GNAQ: variants seen among roughly 807,000 people sequenced by gnomAD.
GNAQ encodes the protein G protein subunit alpha q, also known as guanine nucleotide-binding protein G(q) subunit alpha.
A neutral mutation model predicts 43.9 loss-of-function variants in GNAQ; 8 were observed. That is an observed-to-expected ratio of 0.18 (90% CI 0.11 to 0.33). The LOEUF (loss-of-function observed/expected upper bound fraction) is 0.33. GNAQ is among the 10% of genes least tolerant of loss of function. GNAQ has a pLI of 1.00. For synonymous variants in GNAQ, 155 were observed against 170.7 expected, an observed-to-expected ratio of 0.91 and a Z score of 0.71; for missense variants, 158 against 450.8, an observed-to-expected ratio of 0.35 and a Z score of 5.88.
intron 5 of GNAQ, among the ~76,000 whole-genome samples, chr9:77,774,233 T>G (rs372044257): frequency 1.3e-4 from 20 of 152,352 alleles, no homozygotes; most frequent in East Asian, 9.6e-4. Flanking sequence ...ATCTCCTTTA[T>G]TTCAATGAAC....
chr9:77,754,913 A>C (rs1825876151), intron 5 of GNAQ, among the ~76,000 whole-genome samples: 1 of 152,244 alleles, frequency 6.6e-6, no homozygotes, highest in Non-Finnish European at 1.5e-5. Flanking sequence ...CAGTGTATCA[A>C]AAAGATATCT....
chr9:77,794,625 T>C lies in GNAQ; in HGVS notation c.606-33A>G, dbSNP rs777924414. ...GTTAACAATACTCATATTAATAACA[T>C]ATAAAGTAAAACTAAAAAGTCAACA... is the stretch of plus-strand genomic sequence containing the variant. On this transcript the variant is annotated intron_variant, in intron 4 of 6. Coordinates refer to ENST00000286548, the MANE Select transcript of GNAQ (RefSeq NM_002072.5). 7 of 1,445,012 alleles carry C rather than the reference T, an allele frequency of 4.8e-6. No individual in the cohort carries two copies. In the South Asian group the frequency reaches 8.9e-5, roughly 18 times the overall value. The allele number at this position is 1,445,012 out of a possible 1,614,324, so 89.5% of individuals were successfully genotyped here.
At position 77,721,160 on chromosome 9, in the gene GNAQ, A is replaced by C; in HGVS notation, c.*163T>G. The C allele has an allele frequency of 1.9e-6, 1 of 533,350 alleles. No homozygotes were observed. The allele number at this position is 533,350 out of a possible 1,614,324, so 33.0% of individuals were successfully genotyped here. A position where few individuals can be genotyped will look rare whatever the true frequency, so the allele number is the denominator to read the frequency against. On this transcript the variant is annotated 3_prime_UTR_variant, in exon 7 of 7. Transcript: ENST00000286548. ...TGTTTTTCCTCTGAATAGTTTAAATAAAATCATAATATTTACTACAAACTC... is the reference window on the plus strand; with the variant it reads ...TGTTTTTCCTCTGAATAGTTTAAATCAAATCATAATATTTACTACAAACTC...
intron 5 of GNAQ, among the ~76,000 whole-genome samples, chr9:77,737,445 A>T (rs566293997): frequency 6.6e-6 from 1 of 152,338 alleles, no homozygotes; most frequent in Admixed American, 6.5e-5. Context: ...TCTCATGATG[A>T]TCAATGCTTC....
intron 2 of GNAQ, among the ~76,000 whole-genome samples, chr9:77,888,024 CACACTA>C (rs1277068194): frequency 6.6e-6 from 1 of 152,212 alleles, no homozygotes; most frequent in Non-Finnish European, 1.5e-5. Flanking sequence ...TAATTACTTT[CACACTA>C]ACACTAAGAC....
rs1390190046 is a variant in GNAQ at position 77,905,553 on chromosome 9, T to C, written c.321+16608A>G. Among the ~76,000 whole-genome samples the C allele has an allele frequency of 2.6e-5, 4 of 152,208 alleles. No individual in the cohort carries two copies. In the South Asian group the frequency reaches 6.2e-4, roughly 24 times the overall value. On this transcript the variant is annotated intron_variant, in intron 2 of 6. Transcript: ENST00000286548. ...AGCATGCAGTGGGGCTGTAATATTTTACACTGTCAGAAAACTGCATGAGAT... is the reference window on the plus strand; with the variant it reads ...AGCATGCAGTGGGGCTGTAATATTTCACACTGTCAGAAAACTGCATGAGAT...
chr9:77,999,292 C>A (rs958941885), intron 1 of GNAQ, among the ~76,000 whole-genome samples: 2 of 152,124 alleles, frequency 1.3e-5, no homozygotes, highest in African/African-American at 4.8e-5. Flanking sequence ...TTACTCCATC[C>A]GGGAAGTTAT....
rs558419670 is a variant in GNAQ at position 77,807,010 on chromosome 9, T to G, written c.476+8606A>C. Among the ~76,000 whole-genome samples the G allele has an allele frequency of 3.9e-5, 6 of 152,340 alleles. No individual in the cohort carries two copies. The South Asian group carries it at 1.0e-3, about 26-fold the overall frequency. On this transcript the variant is annotated intron_variant, in intron 3 of 6. Transcript: ENST00000286548. ...GTCATGTCAGTTATGTCACCTTAAT[T>G]TGGATATTGCTTCTGTGAGATTAGA...
chr9:77,753,789 T>A (rs770714616), intron 5 of GNAQ, among the ~76,000 whole-genome samples: 1 of 152,156 alleles, frequency 6.6e-6, no homozygotes, highest in African/African-American at 2.4e-5. Flanking sequence ...ACAATATGAA[T>A]AACAGAAAAG....
At chr9:77,797,482 A>C in intron 4 of GNAQ, 38 bp downstream of exon 4, 1 of 1,558,908 alleles carries the variant, frequency 6.4e-7, no homozygotes, top group Non-Finnish European at 8.8e-7. Context: ...CTCAAGGCAT[A>C]AAAGCTGGGA....
chr9:77,888,506 A>T (rs768383629), intron 2 of GNAQ, among the ~76,000 whole-genome samples: 1 of 152,218 alleles, frequency 6.6e-6, no homozygotes, highest in Non-Finnish European at 1.5e-5. Context: ...GTGGCTTGCT[A>T]TAAGAGTGAA....
intron 3 of GNAQ, among the ~76,000 whole-genome samples, chr9:77,814,746 T>C (rs1190895960): frequency 6.6e-6 from 1 of 152,156 alleles, no homozygotes; most frequent in Non-Finnish European, 1.5e-5. Context: ...TGAACTGGCA[T>C]AAGGTTACTG....
intron 2 of GNAQ, among the ~76,000 whole-genome samples, chr9:77,844,798 G>A (rs770302071): frequency 1.1e-4 from 16 of 151,926 alleles, no homozygotes; most frequent in South Asian, 2.1e-4. Context: ...TCAGCCTCCC[G>A]AGTAGCTGGG....
At chr9:77,886,042 T>C (rs957458279) in intron 2 of GNAQ, among the ~76,000 whole-genome samples, 1 of 152,174 alleles carries the variant, frequency 6.6e-6, no homozygotes, top group Admixed American at 6.5e-5. Flanking sequence ...AGTGGCACGA[T>C]CTCGGTTCAC....
chr9:77,813,786 A>G (rs1343381742), intron 3 of GNAQ, among the ~76,000 whole-genome samples: 1 of 152,328 alleles, frequency 6.6e-6, no homozygotes, highest in East Asian at 1.9e-4. Flanking sequence ...GTTGACAGGT[A>G]AAGAGTAGAC....
chr9:77,740,368 C>G (rs1416530622), intron 5 of GNAQ, among the ~76,000 whole-genome samples: 1 of 152,032 alleles, frequency 6.6e-6, no homozygotes, highest in Admixed American at 6.6e-5. Context: ...CTTTGTCTAC[C>G]CACCAAAGAC....
intron 2 of GNAQ, among the ~76,000 whole-genome samples, chr9:77,841,299 A>G (rs1422251204): frequency 1.3e-5 from 2 of 152,206 alleles, no homozygotes; most frequent in African/African-American, 4.8e-5. Flanking sequence ...TAGACATTGG[A>G]AGCATTTAAA....
At chr9:77,761,309 T>C in intron 5 of GNAQ, among the ~76,000 whole-genome samples, 1 of 113,586 alleles carries the variant, frequency 8.8e-6, no homozygotes. Flanking sequence ...AGCCGCCCCA[T>C]CCGGGAGGGA....
At chr9:77,829,636 G>C (rs547938864) in intron 2 of GNAQ, among the ~76,000 whole-genome samples, 2 of 152,292 alleles carry the variant, frequency 1.3e-5, no homozygotes, top group South Asian at 4.1e-4. Flanking sequence ...CCAAGAGAAT[G>C]AATCAGAGAA....
Sources: gnomAD v4.1 joint callset for allele counts (sites outside exome capture counted in the v4.1 genomes callset) on GRCh38, gnomAD v4.1.1 for gene constraint, MANE v1.5 for transcripts, NCBI Gene and HGNC (gene_info 2026-07-23, HGNC 2026-07-21) for gene names.